Variants in GSG1L observed in about 807,000 individuals in gnomAD.
GSG1L encodes germ cell-specific gene 1-like protein.
A neutral mutation model predicts 42.1 loss-of-function variants in GSG1L; 24 were observed. The ratio of observed to expected loss-of-function variants is 0.57; its 90% CI spans 0.41 to 0.80. GSG1L has a LOEUF of 0.80. Ranked by LOEUF, GSG1L falls within the 30% of genes least tolerant of loss-of-function variation. The probability of loss-of-function intolerance (pLI) is 0.00; values close to 1 mark genes in which losing one functional copy is unlikely to be tolerated. For synonymous variants in GSG1L, 215 were observed against 203.5 expected, an observed-to-expected ratio of 1.06 and a Z score of -0.48; for missense variants, 445 against 472.2, an observed-to-expected ratio of 0.94 and a Z score of 0.53.
intron 3 of GSG1L, among the ~76,000 whole-genome samples, chr16:27,867,812 G>A (rs1262790177): frequency 1.4e-5 from 2 of 145,994 alleles, no homozygotes; most frequent in Non-Finnish European, 3.0e-5. Flanking sequence ...CTGAGGCCAC[G>A]CCCCCTGAGG....
chr16:27,795,837 T>C (rs2082812086), intron 6 of GSG1L, among the ~76,000 whole-genome samples: 1 of 152,104 alleles, frequency 6.6e-6, no homozygotes, highest in Non-Finnish European at 1.5e-5. Context: ...TCCAGCCCCA[T>C]CTCCCGCCTC....
intron 1 of GSG1L, among the ~76,000 whole-genome samples, chr16:28,011,606 T>A (rs1314154891): frequency 2.0e-5 from 3 of 152,200 alleles, no homozygotes; most frequent in Non-Finnish European, 4.4e-5. Flanking sequence ...AATCACCTGA[T>A]GTTTCAAGTT....
rs572413820 is a variant in GSG1L, at chr16:27,947,067, G to T, written c.397+16089C>A. Among the ~76,000 whole-genome samples, 149 of 152,152 alleles carry T rather than the reference G, an allele frequency of 9.8e-4. 1 individual carries two copies. Among genetic ancestry groups the T allele is most frequent in the Non-Finnish European group, 9.4e-4 (64 of 68,030 alleles). On this transcript the variant is annotated intron_variant, in intron 2 of 6. Transcript: ENST00000447459. ...GAGCTGGAATCTGAACCCAGAGCCC[G>T]GCTCTCAAAGCCCTGCATCTAAATC...
intron 6 of GSG1L, among the ~76,000 whole-genome samples, chr16:27,797,614 A>G (rs1198302644): frequency 3.3e-5 from 5 of 151,680 alleles, no homozygotes; most frequent in Non-Finnish European, 7.4e-5. Flanking sequence ...CGAGGTCAGG[A>G]GATCGAGACC....
intron 1 of GSG1L, among the ~76,000 whole-genome samples, chr16:28,018,693 C>G (rs1335505522): frequency 6.6e-6 from 1 of 152,052 alleles, no homozygotes; most frequent in Non-Finnish European, 1.5e-5. Flanking sequence ...TTCCCCCCAC[C>G]CCCAGGCAAG....
chr16:27,888,586 C>T (rs941492957), intron 2 of GSG1L, among the ~76,000 whole-genome samples: 4 of 125,560 alleles, frequency 3.2e-5, no homozygotes, highest in Admixed American at 8.4e-5. Context: ...TTTCTTTCTC[C>T]GTCTCTCTCT....
intron 1 of GSG1L, among the ~76,000 whole-genome samples, chr16:28,005,757 G>A (rs2085630495): frequency 6.6e-6 from 1 of 152,054 alleles, no homozygotes; most frequent in Non-Finnish European, 1.5e-5. Flanking sequence ...GAGGAGCCAG[G>A]CATAGAGACC....
rs375446725 is a variant in GSG1L at position 27,803,804 on chromosome 16, G to T, written c.898+3683C>A. ...ATATATATATATATATAGATAGATA[G>T]ATATAGATATAGATATAGATATAGA... On this transcript the variant is annotated intron_variant, in intron 6 of 6. Transcript: ENST00000447459. Among the ~76,000 whole-genome samples the T allele has an allele frequency of 3.3e-3, 404 of 122,032 alleles. 2 individuals carry two copies. The highest frequency in any genetic ancestry group is 0.014 in the South Asian group (53 of 3,748). 80.1% of individuals were successfully genotyped at this position (122,032 alleles called of 152,430 possible).
intron 2 of GSG1L, among the ~76,000 whole-genome samples, chr16:27,949,843 T>C (rs1320275032): frequency 6.6e-6 from 1 of 152,180 alleles, no homozygotes; most frequent in African/African-American, 2.4e-5. Flanking sequence ...GCAAATGGCA[T>C]GAACCCGGGA....
intron 2 of GSG1L, among the ~76,000 whole-genome samples, chr16:27,923,715 C>G (rs1289039591): frequency 8.1e-6 from 1 of 124,044 alleles, no homozygotes; most frequent in East Asian, 2.3e-4. Flanking sequence ...GCCTGGGCAA[C>G]AGAGCAGGAC....
At chr16:27,940,020 A>C (rs543851448) in intron 2 of GSG1L, among the ~76,000 whole-genome samples, 2 of 152,304 alleles carry the variant, frequency 1.3e-5, no homozygotes, top group African/African-American at 4.8e-5. Context: ...AAAAACAAAC[A>C]ACCCCATCAA....
At chr16:27,899,297 G>A (rs2084228891) in intron 2 of GSG1L, among the ~76,000 whole-genome samples, 1 of 152,234 alleles carries the variant, frequency 6.6e-6, no homozygotes. Context: ...GGGGAGCCAG[G>A]TCACCTGCAG....
intron 4 of GSG1L, among the ~76,000 whole-genome samples, chr16:27,838,024 G>C (rs2083338595): frequency 6.6e-6 from 1 of 152,080 alleles, no homozygotes; most frequent in African/African-American, 2.4e-5. Flanking sequence ...TTTATCTTTA[G>C]GTCCAAGGAT....
intron 1 of GSG1L, among the ~76,000 whole-genome samples, chr16:28,052,880 T>A (rs1264278108): frequency 1.3e-5 from 2 of 152,196 alleles, no homozygotes; most frequent in Non-Finnish European, 2.9e-5. Context: ...CGTGTCCAAG[T>A]CTTCTGCCTC....
chr16:27,834,305 C>G (rs114351146), intron 4 of GSG1L, among the ~76,000 whole-genome samples: 1 of 151,910 alleles, frequency 6.6e-6, no homozygotes. Flanking sequence ...CTTATCATGA[C>G]GTATAATTAT....
intron 2 of GSG1L, among the ~76,000 whole-genome samples, chr16:27,957,734 A>C (rs1259149210): frequency 6.6e-6 from 1 of 152,196 alleles, no homozygotes; most frequent in African/African-American, 2.4e-5. Context: ...TAAATACCTG[A>C]GGCTGCGTAA....
intron 3 of GSG1L, among the ~76,000 whole-genome samples, chr16:27,883,735 T>C (rs995548658): frequency 2.6e-5 from 4 of 152,238 alleles, no homozygotes; most frequent in Non-Finnish European, 4.4e-5. Flanking sequence ...TTTTAGTTTA[T>C]AGGCTTCCTT....
intron 2 of GSG1L, among the ~76,000 whole-genome samples, chr16:27,918,426 G>C (rs1261673523): frequency 6.6e-6 from 1 of 152,142 alleles, no homozygotes; most frequent in East Asian, 1.9e-4. Context: ...AGGATGCCGA[G>C]GCAGGTGGAT....
chr16:27,869,592 TC>T (rs2083778564), intron 3 of GSG1L, among the ~76,000 whole-genome samples: 1 of 143,958 alleles, frequency 6.9e-6, no homozygotes, highest in African/African-American at 2.7e-5. Flanking sequence ...CCTCTCCTTC[TC>T]TCTGTCTCTG....
Sources: allele counts gnomAD v4.1 joint callset (sites outside exome capture counted in the v4.1 genomes callset), GRCh38; gene constraint gnomAD v4.1.1; transcripts MANE v1.5; gene names NCBI Gene and HGNC (gene_info 2026-07-23, HGNC 2026-07-21).